Variants in FAM228B observed in about 807,000 individuals in gnomAD.
The protein encoded by FAM228B is protein FAM228B.
A neutral mutation model predicts 42.6 loss-of-function variants in FAM228B; 38 were observed. The observed-to-expected ratio is 0.89, with a 90% confidence interval of 0.69 to 1.17. FAM228B has a LOEUF of 1.17. FAM228B is among the 50% of genes most tolerant of loss of function. The pLI is 0.00. For missense variants in FAM228B, 344 were observed against 367.3 expected (o/e 0.94, Z 0.52); for synonymous variants, 109 against 122.3 (o/e 0.89, Z 0.72).
chr2:24,088,459 T>A (rs991782323), intron 2 of FAM228B, among the ~76,000 whole-genome samples: 7 of 152,078 alleles, frequency 4.6e-5, no homozygotes, highest in Non-Finnish European at 7.4e-5. Flanking sequence ...TACGTGATTC[T>A]CCTGCCTCAG....
At position 24,146,801 on chromosome 2, in the gene FAM228B, T is replaced by G. The variant is rs933672292; in HGVS notation, c.495T>G (p.Asp165Glu). 8.2e-5 allele frequency: 127 copies of G among 1,549,726 alleles called. No individual in the cohort carries two copies. Among genetic ancestry groups the G allele is most frequent in the Non-Finnish European group, 1.0e-4 (119 of 1,145,828 alleles). The change falls in exon 6 of 11, where the codon GAT becomes GAG. Residue 165 changes from aspartate to glutamate, a missense_variant. Transcript: ENST00000615575. Reference sequence around the variant, plus strand: ...TGAAAAAAGCACAATATGACAAGGATAACGAAAAAAGAACTCTTCTTCAGT... The same window carrying G: ...TGAAAAAAGCACAATATGACAAGGAGAACGAAAAAAGAACTCTTCTTCAGT... ...DPLKKAQYDK[D>E]NEKRTLLQCE...
chr2:24,086,439 A>G (rs966744926), intron 2 of FAM228B, among the ~76,000 whole-genome samples: 1 of 152,104 alleles, frequency 6.6e-6, no homozygotes, highest in African/African-American at 2.4e-5. Flanking sequence ...GTGTGGAAAG[A>G]ATAAGTTACT....
At chr2:24,129,723 T>G (rs1666407116) in intron 2 of FAM228B, among the ~76,000 whole-genome samples, 1 of 152,240 alleles carries the variant, frequency 6.6e-6, no homozygotes, top group Admixed American at 6.5e-5. Flanking sequence ...ATTATAAGCA[T>G]ATTTTTAAGC....
chr2:24,135,625 T>C (rs1404302840), intron 3 of FAM228B, among the ~76,000 whole-genome samples: 1 of 152,152 alleles, frequency 6.6e-6, no homozygotes, highest in Non-Finnish European at 1.5e-5. Context: ...GGGTAACCTG[T>C]TTTTATTTTT....
intron 3 of FAM228B, among the ~76,000 whole-genome samples, chr2:24,136,415 G>A (rs1666589987): frequency 6.6e-6 from 1 of 152,156 alleles, no homozygotes; most frequent in Non-Finnish European, 1.5e-5. Flanking sequence ...GTAGAGACGT[G>A]GTTTCACCAC....
At chr2:24,147,940 T>C (rs1666936267) in intron 7 of FAM228B, among the ~76,000 whole-genome samples, 1 of 151,566 alleles carries the variant, frequency 6.6e-6, no homozygotes, top group African/African-American at 2.4e-5. Flanking sequence ...TTTGCATGTC[T>C]TGTAATTTTT....
At position 24,129,042 on chromosome 2, in the gene FAM228B, T is replaced by C. The variant is rs557124279; in HGVS notation, c.99+4582T>C. ...TCTTTGCCCATTGTTCCTTTGGGCA[T>C]GTAGTGTTTACGATCAGCTGAAGAC... On this transcript the variant is annotated intron_variant, in intron 2 of 10. Coordinates refer to ENST00000615575, the MANE Select transcript of FAM228B (RefSeq NM_001145710.2). 6.6e-5 allele frequency among the ~76,000 whole-genome samples: 10 copies of C among 152,268 alleles called. No homozygotes were observed. In the South Asian group the frequency reaches 1.0e-3, roughly 16 times the overall value.
intron 2 of FAM228B, among the ~76,000 whole-genome samples, chr2:24,090,955 TTTTG>T (rs1022109601): frequency 2.6e-5 from 4 of 152,112 alleles, no homozygotes; most frequent in Non-Finnish European, 5.9e-5. Context: ...CCCAGATAGT[TTTTG>T]TTTGTTTGTT....
chr2:24,151,002 C>A (rs555800175), intron 7 of FAM228B, among the ~76,000 whole-genome samples: 2 of 152,232 alleles, frequency 1.3e-5, no homozygotes, highest in African/African-American at 4.8e-5. Context: ...CTGTTATTAT[C>A]CCTTTGAATA....
rs183553066 is a variant in FAM228B, at chr2:24,167,787, A to G, written c.*14+104A>G. 6.2e-5 allele frequency: 84 copies of G among 1,347,806 alleles called. No individual in the cohort carries two copies. The African/African-American group carries it at 8.8e-4, about 14-fold the overall frequency. 83.5% of individuals were successfully genotyped at this position (1,347,806 alleles called of 1,614,324 possible). A position where few individuals can be genotyped will look rare whatever the true frequency, so the allele number is the denominator to read the frequency against. On this transcript the variant is annotated intron_variant, in intron 10 of 10. Transcript: ENST00000615575. Reference sequence around the variant, plus strand: ...CAGAGTCCACAGTGGGAGGGAGGAAAGAGAAATAATGGGTGGGTAGGAAAG... The same window carrying G: ...CAGAGTCCACAGTGGGAGGGAGGAAGGAGAAATAATGGGTGGGTAGGAAAG...
At chr2:24,088,584 CAA>C (rs1466934181) in intron 2 of FAM228B, among the ~76,000 whole-genome samples, 3 of 152,116 alleles carry the variant, frequency 2.0e-5, no homozygotes, top group Non-Finnish European at 2.9e-5. Context: ...CTTTTGGGCT[CAA>C]GAGATCCACC....
intron 9 of FAM228B, among the ~76,000 whole-genome samples, chr2:24,167,085 C>A (rs1288451814): frequency 6.6e-6 from 1 of 152,076 alleles, no homozygotes. Flanking sequence ...GGGGGGAAAT[C>A]ATATCTAATC....
rs560199323 is a variant in FAM228B, at chr2:24,094,675, G to T, written c.-209-466G>T. Among the ~76,000 whole-genome samples, 11 of 152,272 alleles carry T rather than the reference G, an allele frequency of 7.2e-5. No homozygotes were observed. In the South Asian group the frequency reaches 2.3e-3, roughly 32 times the overall value. ...AATTTTTCTGTTTTTCGTAGAGACA[G>T]TCTCACTATGTTGCCTCAGCTGGTC... On this transcript the variant is annotated intron_variant, in intron 2 of 10. Coordinates refer to the FAM228B transcript ENST00000613899.
At chr2:24,142,657 G>A (rs1224742954) in intron 5 of FAM228B, 3 of 152,146 alleles carry the variant, frequency 2.0e-5, no homozygotes, top group African/African-American at 7.2e-5. Flanking sequence ...TAAGTCTTGG[G>A]TATTTGGCGG....
At chr2:24,083,133 G>A (rs199779930) in intron 2 of FAM228B, 27 of 1,612,208 alleles carry the variant, frequency 1.7e-5, no homozygotes, top group Middle Eastern at 1.7e-4. Context: ...TCCTGGAGGT[G>A]GGTCATACTG....
intron 3 of FAM228B, among the ~76,000 whole-genome samples, chr2:24,107,565 T>C (rs1238513718): frequency 6.6e-6 from 1 of 152,078 alleles, no homozygotes; most frequent in Non-Finnish European, 1.5e-5. Flanking sequence ...AAACCTGAAA[T>C]CATACCAACC....
At chr2:24,142,449 A>G (rs921740719) in intron 5 of FAM228B, 2 of 152,198 alleles carry the variant, frequency 1.3e-5, no homozygotes, top group East Asian at 3.8e-4. Flanking sequence ...CTTAAAAATT[A>G]TTAACTTTAC....
chr2:24,148,427 C>T (rs558636147), intron 7 of FAM228B, among the ~76,000 whole-genome samples: 48 of 152,304 alleles, frequency 3.2e-4, no homozygotes, highest in African/African-American at 1.1e-3. Context: ...CAGGACTTTC[C>T]TGAGGTTCCT....
intron 3 of FAM228B, among the ~76,000 whole-genome samples, chr2:24,106,347 G>A (rs1265275652): frequency 8.0e-6 from 1 of 125,754 alleles, no homozygotes; most frequent in Non-Finnish European, 1.6e-5. Flanking sequence ...TTGAGACAGA[G>A]TTTTGCTCTG....
Sources: gnomAD v4.1 joint callset for allele counts (sites outside exome capture counted in the v4.1 genomes callset) on GRCh38, gnomAD v4.1.1 for gene constraint, MANE v1.5 for transcripts, NCBI Gene and HGNC (gene_info 2026-07-23, HGNC 2026-07-21) for gene names.